Variants in RSRC1 observed in about 807,000 individuals in gnomAD.
RSRC1 encodes the protein serine/Arginine-related protein 53.
RSRC1 carries 39 observed loss-of-function variants against 49.1 expected under a neutral mutation model. That is an observed-to-expected ratio of 0.79 (90% CI 0.61 to 1.04). RSRC1 has a LOEUF of 1.04. RSRC1 is among the 50% of genes least tolerant of loss of function. The pLI, the probability that RSRC1 is intolerant of heterozygous loss-of-function variation, is 0.00. For missense variants in RSRC1, 388 were observed against 402.4 expected (o/e 0.96, Z 0.31); for synonymous variants, 143 against 130.8 (o/e 1.09, Z -0.63).
chr3:158,113,301 C>T (rs1338086317), intron 1 of RSRC1, among the ~76,000 whole-genome samples: 1 of 152,080 alleles, frequency 6.6e-6, no homozygotes, highest in Non-Finnish European at 1.5e-5. Flanking sequence ...AATTTACATT[C>T]TCACCAACAG....
intron 6 of RSRC1, among the ~76,000 whole-genome samples, chr3:158,446,856 A>G (rs1368814002): frequency 6.6e-6 from 1 of 152,034 alleles, no homozygotes; most frequent in Non-Finnish European, 1.5e-5. Flanking sequence ...CTGGAGAGTA[A>G]ATGCAACAGT....
intron 4 of RSRC1, chr3:158,276,013 G>A: frequency 1.2e-6 from 1 of 818,474 alleles, no homozygotes. Flanking sequence ...ATTATGGAAT[G>A]GATTAATGAG....
At chr3:158,129,958 T>C (rs1715904407) in intron 3 of RSRC1, among the ~76,000 whole-genome samples, 4 of 152,250 alleles carry the variant, frequency 2.6e-5, no homozygotes, top group Admixed American at 6.5e-5. Flanking sequence ...AACAATGTTA[T>C]GTAGTTTTCA....
intron 7 of RSRC1, among the ~76,000 whole-genome samples, chr3:158,502,383 G>C (rs911563369): frequency 6.6e-6 from 1 of 152,138 alleles, no homozygotes; most frequent in Non-Finnish European, 1.5e-5. Flanking sequence ...GGTGTTCTTT[G>C]TGCTTCTTGT....
At chr3:158,543,218 A>T in intron 8 of RSRC1, 117 bp from the exon 9 acceptor site, 1 of 740,364 alleles carries the variant, frequency 1.4e-6, no homozygotes, top group Admixed American at 4.2e-5. Flanking sequence ...CTTTTTGGAG[A>T]TGGGTATCAT....
intron 7 of RSRC1, among the ~76,000 whole-genome samples, chr3:158,517,168 A>T (rs114033666): frequency 0.011 from 1,541 of 140,700 alleles, 16 homozygotes; most frequent in African/African-American, 0.041. Context: ...TTTTGCTATT[A>T]ATATTATTAT....
rs1348828697 is a variant in RSRC1, at chr3:158,123,991, G to T, written c.320G>T (p.Arg107Met). 6.3e-7 allele frequency: 1 copy of T among 1,580,758 alleles called. No homozygotes were observed. Among genetic ancestry groups the T allele is most frequent in the Non-Finnish European group, 8.6e-7 (1 of 1,164,634 alleles). ...QRSRSKSRTR[R>M]SRSRPRLRSH... ...TCTAGGTCAAAAAGCAGAACAAGAAGGTATGCCTTATTAAGTATTTATTGC... is the reference window on the plus strand; with the variant it reads ...TCTAGGTCAAAAAGCAGAACAAGAATGTATGCCTTATTAAGTATTTATTGC... Residue 107 changes from arginine (R) to methionine (M), a missense_variant and splice_region_variant, in exon 3 of 10, where the codon AGG becomes ATG. Arg to Met is a moderately conservative substitution (Grantham distance 91). Coordinates refer to ENST00000611884, the MANE Select transcript of RSRC1 (RefSeq NM_001271838.2).
At chr3:158,178,841 C>G (rs1263127481) in intron 3 of RSRC1, among the ~76,000 whole-genome samples, 2 of 152,042 alleles carry the variant, frequency 1.3e-5, no homozygotes, top group Non-Finnish European at 2.9e-5. Flanking sequence ...TACAGTATTT[C>G]TATAAAATTA....
chr3:158,447,708 C>G (rs1438453462), intron 6 of RSRC1, among the ~76,000 whole-genome samples: 1 of 151,726 alleles, frequency 6.6e-6, no homozygotes, highest in East Asian at 1.9e-4. Flanking sequence ...AAGTTGTTTC[C>G]TTTCATGAAT....
chr3:158,184,694 A>G (rs1173713519), intron 3 of RSRC1, among the ~76,000 whole-genome samples: 1 of 152,118 alleles, frequency 6.6e-6, no homozygotes, highest in Non-Finnish European at 1.5e-5. Context: ...TGTTTTACAT[A>G]GTTGTATGAA....
chr3:158,445,135 C>G (rs186170088), intron 6 of RSRC1, among the ~76,000 whole-genome samples: 2 of 152,226 alleles, frequency 1.3e-5, no homozygotes, highest in East Asian at 3.9e-4. Flanking sequence ...ACCATTTGAC[C>G]CAGCCATCCC....
At chr3:158,372,082 A>G (rs1188387091) in intron 6 of RSRC1, among the ~76,000 whole-genome samples, 1 of 149,358 alleles carries the variant, frequency 6.7e-6, no homozygotes, top group East Asian at 1.9e-4. Context: ...GTTCATGATC[A>G]AATATGTTAT....
At chr3:158,295,920 A>G (rs1267857838) in intron 4 of RSRC1, among the ~76,000 whole-genome samples, 2 of 152,188 alleles carry the variant, frequency 1.3e-5, no homozygotes, top group South Asian at 2.1e-4. Flanking sequence ...AGCTATTTAC[A>G]GTCTTTGTTT....
intron 4 of RSRC1, among the ~76,000 whole-genome samples, chr3:158,233,861 G>T (rs1723099039): frequency 2.0e-5 from 3 of 152,080 alleles, no homozygotes; most frequent in Admixed American, 2.0e-4. Flanking sequence ...TCCATGTATG[G>T]AAACTGTGAC....
chr3:158,337,663 A>G (rs1407018689), intron 5 of RSRC1, among the ~76,000 whole-genome samples: 1 of 152,134 alleles, frequency 6.6e-6, no homozygotes, highest in African/African-American at 2.4e-5. Flanking sequence ...CATGGGGGTC[A>G]ATTTTGACCT....
chr3:158,176,876 A>C (rs1339215730), intron 3 of RSRC1, among the ~76,000 whole-genome samples: 1 of 152,224 alleles, frequency 6.6e-6, no homozygotes, highest in African/African-American at 2.4e-5. Context: ...GAATGGGAGA[A>C]AATTTTTGCA....
intron 6 of RSRC1, among the ~76,000 whole-genome samples, chr3:158,390,705 G>A (rs1733234796): frequency 6.6e-6 from 1 of 151,940 alleles, no homozygotes; most frequent in African/African-American, 2.4e-5. Context: ...ATCAGGCATG[G>A]GTAGCATTCT....
chr3:158,122,782 A>C (rs979561339), intron 2 of RSRC1, among the ~76,000 whole-genome samples: 1 of 149,022 alleles, frequency 6.7e-6, no homozygotes, highest in Admixed American at 6.7e-5. Flanking sequence ...TCCTGTGTCC[A>C]AGAGTTCTCA....
intron 5 of RSRC1, among the ~76,000 whole-genome samples, chr3:158,335,922 T>C (rs1362019803): frequency 1.3e-5 from 2 of 152,182 alleles, no homozygotes; most frequent in African/African-American, 2.4e-5. Flanking sequence ...GCAATGATAG[T>C]AGAGATTCTG....
Sources: gnomAD v4.1 joint callset for allele counts (sites outside exome capture counted in the v4.1 genomes callset) on GRCh38, gnomAD v4.1.1 for gene constraint, MANE v1.5 for transcripts, NCBI Gene and HGNC (gene_info 2026-07-23, HGNC 2026-07-21) for gene names.